RAI1: variants seen among roughly 807,000 people sequenced by gnomAD.
RAI1 encodes the protein retinoic acid-induced protein 1.
A neutral mutation model predicts 123.8 loss-of-function variants in RAI1; 9 were observed. The ratio of observed to expected loss-of-function variants is 0.07; its 90% CI spans 0.04 to 0.13. The LOEUF (loss-of-function observed/expected upper bound fraction) is 0.13, where lower values mean the gene tolerates loss of function less well. Among genes scored for constraint, RAI1 ranks in the 10% least tolerant of loss-of-function variants. The pLI is 1.00. For missense variants in RAI1, 2,256 were observed against 2,545.8 expected, an observed-to-expected ratio of 0.89 and a Z score of 2.45; for synonymous variants, 1,231 against 1,127.3, an observed-to-expected ratio of 1.09 and a Z score of -1.84.
chr17:17,690,302 G>T (rs1914792459), intron 1 of RAI1, among the ~76,000 whole-genome samples: 1 of 151,684 alleles, frequency 6.6e-6, no homozygotes, highest in South Asian at 2.1e-4. Context: ...CAGGAGAATT[G>T]CCTGAACCTG....
Position 17,796,260 on chromosome 17 carries a change from G to A in RAI1, c.3312G>A (p.Lys1104=), listed in dbSNP as rs1327045525. ...AGCGGGTGGGGAAGCCCTCACCCAA[G>A]GCTGCCTCCAGCCCCAGCAACCCGG... ...SGKRVGKPSP[K]AASSPSNPAA... Residue 1104 remains lysine, a synonymous_variant, in exon 3 of 6, where the codon AAG becomes AAA. Coordinates refer to ENST00000353383, the MANE Select transcript of RAI1 (RefSeq NM_030665.4). This position sits in a 1 kb window ranked among gnomAD's most constrained non-coding sequence, Gnocchi z 5.8. The A allele has an allele frequency of 3.1e-6, 5 of 1,588,066 alleles. No individual in the cohort carries two copies. The African/African-American group carries it at 5.4e-5, about 17-fold the overall frequency.
chr17:17,752,151 G>C (rs1354035030), intron 2 of RAI1, among the ~76,000 whole-genome samples: 1 of 151,756 alleles, frequency 6.6e-6, no homozygotes, highest in Non-Finnish European at 1.5e-5. Flanking sequence ...CCAGCGCCCC[G>C]CAGGAGCCTC....
At chr17:17,766,794 G>T (rs1476562185) in intron 2 of RAI1, among the ~76,000 whole-genome samples, 1 of 152,126 alleles carries the variant, frequency 6.6e-6, no homozygotes, top group Non-Finnish European at 1.5e-5. Flanking sequence ...GACAGCAAAG[G>T]TGTGGAGGCA....
At chr17:17,759,741 G>T (rs182623954) in intron 2 of RAI1, among the ~76,000 whole-genome samples, 356 of 152,314 alleles carry the variant, frequency 2.3e-3, no homozygotes, top group Non-Finnish European at 3.6e-3. Flanking sequence ...GCCGTGCCTG[G>T]CCTGCCCACT....
At chr17:17,693,423 C>T (rs1385296861) in intron 1 of RAI1, among the ~76,000 whole-genome samples, 1 of 152,218 alleles carries the variant, frequency 6.6e-6, no homozygotes, top group African/African-American at 2.4e-5. Flanking sequence ...TGGGCCTCTC[C>T]AGCTCCCCTC....
chr17:17,756,570 T>A (rs1182285847), intron 2 of RAI1, among the ~76,000 whole-genome samples: 1 of 152,216 alleles, frequency 6.6e-6, no homozygotes, highest in Non-Finnish European at 1.5e-5. Flanking sequence ...TCTTCACCTT[T>A]ACCTCCCTTA....
chr17:17,779,254 G>C (rs975086630), intron 2 of RAI1: 1 of 316,930 alleles, frequency 3.2e-6, no homozygotes, highest in Non-Finnish European at 6.1e-6. Context: ...GAAGGTCGCT[G>C]CTTCTGGTCA....
intron 1 of RAI1, among the ~76,000 whole-genome samples, chr17:17,709,534 A>G (rs890609951): frequency 1.3e-5 from 2 of 152,028 alleles, no homozygotes; most frequent in Non-Finnish European, 2.9e-5. Flanking sequence ...GCCCCAAAAT[A>G]CATGTCACAG....
Position 17,796,494 on chromosome 17 carries a change from C to T in RAI1, c.3546C>T (p.His1182=). The T allele has an allele frequency of 1.2e-6, 2 of 1,611,056 alleles. No individual in the cohort carries two copies. The highest frequency in any genetic ancestry group is 1.7e-6 in the Non-Finnish European group (2 of 1,179,700). Reference sequence around the variant, plus strand: ...CCAAGAAGCTCCTCGACAACAGCCACTTGCCCGCCACATTCAAGGTCTCCA... The same window carrying T: ...CCAAGAAGCTCCTCGACAACAGCCATTTGCCCGCCACATTCAAGGTCTCCA... ...RATKKLLDNS[H]LPATFKVSSS... is the part of the protein sequence containing the mutation. The change falls in exon 3 of 6, where the codon CAC becomes CAT. Residue 1182 remains histidine (H), a synonymous_variant. Coordinates refer to ENST00000353383, the MANE Select transcript of RAI1 (RefSeq NM_030665.4). This position sits in a 1 kb window ranked among gnomAD's most constrained non-coding sequence, Gnocchi z 5.8.
intron 2 of RAI1, chr17:17,782,169 G>A (rs1488099877): frequency 6.6e-6 from 1 of 152,158 alleles, no homozygotes. Context: ...CAGGGGCGGG[G>A]GCCGCGGGCC....
At chr17:17,772,707 G>A (rs1240519794) in intron 2 of RAI1, among the ~76,000 whole-genome samples, 2 of 152,172 alleles carry the variant, frequency 1.3e-5, no homozygotes, top group African/African-American at 2.4e-5. Flanking sequence ...ACTCCCCTGG[G>A]AAGCCCCTCT....
chr17:17,798,136 G>C lies in RAI1; in HGVS notation c.5188G>C (p.Glu1730Gln), dbSNP rs1424819239. ...KEKVRPEGTCEEASLPLERTL... is the reference protein window; with the variant it reads ...KEKVRPEGTCQEASLPLERTL... Reference sequence around the variant, plus strand: ...GAAGGTGCGGCCAGAAGGCACCTGTGAGGAGGCCTCGCTGCCGCTTGAGAG... The same window carrying C: ...GAAGGTGCGGCCAGAAGGCACCTGTCAGGAGGCCTCGCTGCCGCTTGAGAG... Residue 1730 changes from glutamate to glutamine, a missense_variant, in exon 3 of 6, where the codon GAG becomes CAG. Coordinates refer to ENST00000353383, the MANE Select transcript of RAI1 (RefSeq NM_030665.4). 6.2e-7 allele frequency: 1 copy of C among 1,613,602 alleles called. No homozygotes were observed. The highest frequency in any genetic ancestry group is 1.3e-5 in the African/African-American group (1 of 74,944).
At chr17:17,756,783 G>A (rs554803426) in intron 2 of RAI1, among the ~76,000 whole-genome samples, 15 of 152,310 alleles carry the variant, frequency 9.8e-5, no homozygotes, top group South Asian at 2.1e-4. Context: ...AAATCAGTTC[G>A]TCGGTAACGA....
intron 2 of RAI1, among the ~76,000 whole-genome samples, chr17:17,743,151 G>A (rs891455563): frequency 3.9e-5 from 6 of 152,082 alleles, no homozygotes; most frequent in Non-Finnish European, 5.9e-5. Context: ...CAACATACCC[G>A]GCTAATTTTT....
At chr17:17,755,234 A>G (rs369164316) in intron 2 of RAI1, among the ~76,000 whole-genome samples, 3 of 152,230 alleles carry the variant, frequency 2.0e-5, no homozygotes, top group East Asian at 3.8e-4. Flanking sequence ...CCCTCCACAC[A>G]GGGCCCAGCG....
intron 2 of RAI1, among the ~76,000 whole-genome samples, chr17:17,737,834 C>G (rs1461156214): frequency 6.6e-6 from 1 of 152,200 alleles, no homozygotes; most frequent in Non-Finnish European, 1.5e-5. Flanking sequence ...GATATTGAGG[C>G]CTGTCACCAC....
chr17:17,795,835 G>A lies in RAI1; in HGVS notation c.2887G>A (p.Gly963Arg). 6.2e-7 allele frequency: 1 copy of A among 1,613,478 alleles called. No individual in the cohort carries two copies. Among genetic ancestry groups the A allele is most frequent in the South Asian group, 1.1e-5 (1 of 91,084 alleles). The change falls in exon 3 of 6, where the codon GGG becomes AGG. Residue 963 changes from glycine (G) to arginine (R), a missense_variant. Physicochemically the swap from Gly to Arg is moderately radical, Grantham distance 125. Around this residue, in one of 7 missense-constraint regions of RAI1, gnomAD observed 566 missense variants for 616.0 expected, o/e 0.92. Coordinates refer to ENST00000353383, the MANE Select transcript of RAI1 (RefSeq NM_030665.4). This position sits in a 1 kb window ranked among gnomAD's most constrained non-coding sequence, Gnocchi z 5.9. ...GGGGCCTGATGGGGAGCGAGCTCCAGGGGATTCCACCACCTCGGACGCCTC... is the reference window on the plus strand; with the variant it reads ...GGGGCCTGATGGGGAGCGAGCTCCAAGGGATTCCACCACCTCGGACGCCTC... Reference protein sequence around the residue: ...EEGPDGERAPGDSTTSDASLA... With the variant: ...EEGPDGERAPRDSTTSDASLA...
At chr17:17,788,912 T>C (rs1010030877) in intron 2 of RAI1, among the ~76,000 whole-genome samples, 3 of 152,206 alleles carry the variant, frequency 2.0e-5, no homozygotes, top group East Asian at 3.8e-4. Context: ...TAGTGACCTC[T>C]CCCTGAGGCT....
chr17:17,745,291 G>T (rs1916787284), intron 2 of RAI1, among the ~76,000 whole-genome samples: 1 of 151,868 alleles, frequency 6.6e-6, no homozygotes, highest in Non-Finnish European at 1.5e-5. Flanking sequence ...TGGAGTCCCT[G>T]TGGGATGGCC....
Sources: gnomAD v4.1 joint callset for allele counts (sites outside exome capture counted in the v4.1 genomes callset) on GRCh38, gnomAD v4.1.1 for gene constraint, gnomAD v4.1.1 regional missense constraint, Gnocchi (gnomAD v3.1) non-coding constraint, MANE v1.5 for transcripts, NCBI Gene and HGNC (gene_info 2026-07-23, HGNC 2026-07-21) for gene names.